MEIKIN: variants seen among roughly 807,000 people sequenced by gnomAD.
The protein encoded by MEIKIN is meiotic kinetochore factor.
intron 8 of MEIKIN, among the ~76,000 whole-genome samples, chr5:131,900,191 G>A (rs1239863842): frequency 6.6e-6 from 1 of 152,208 alleles, no homozygotes. Context: ...GAAGAGGGAG[G>A]TAAGTTGGCT....
At chr5:131,943,473 G>A (rs930493222) in intron 3 of MEIKIN, among the ~76,000 whole-genome samples, 3 of 152,034 alleles carry the variant, frequency 2.0e-5, no homozygotes, top group African/African-American at 7.2e-5. Flanking sequence ...GCAAAACCTT[G>A]GAAACAATCT....
At chr5:131,873,207 T>C (rs1021619909) in intron 9 of MEIKIN, among the ~76,000 whole-genome samples, 5 of 152,116 alleles carry the variant, frequency 3.3e-5, no homozygotes, top group African/African-American at 9.7e-5. Context: ...GACTGACAAA[T>C]TGGATAACGA....
chr5:131,941,270 T>C (rs1394333312), intron 4 of MEIKIN, among the ~76,000 whole-genome samples: 3 of 148,784 alleles, frequency 2.0e-5, no homozygotes, highest in Admixed American at 1.3e-4. Flanking sequence ...GCGATTCTCT[T>C]GTCTCAGCCT....
At chr5:131,843,834 T>C (rs183923205) in intron 11 of MEIKIN, among the ~76,000 whole-genome samples, 247 of 152,348 alleles carry the variant, frequency 1.6e-3, no homozygotes, top group Middle Eastern at 3.4e-3. Flanking sequence ...CCAAAGCTGC[T>C]ATCATATTTT....
chr5:131,887,525 C>A (rs1750821373), intron 8 of MEIKIN, among the ~76,000 whole-genome samples: 1 of 152,076 alleles, frequency 6.6e-6, no homozygotes. Flanking sequence ...TCATGATCAC[C>A]ATTCTAACTG....
chr5:131,859,534 C>T (rs892945076), intron 9 of MEIKIN, among the ~76,000 whole-genome samples: 3 of 152,148 alleles, frequency 2.0e-5, no homozygotes, highest in African/African-American at 7.2e-5. Context: ...CTCTTTTGTT[C>T]CTGCTTTTGC....
At chr5:131,880,318 G>T (rs1176850576) in intron 8 of MEIKIN, among the ~76,000 whole-genome samples, 1 of 150,382 alleles carries the variant, frequency 6.6e-6, no homozygotes, top group African/African-American at 2.4e-5. Flanking sequence ...GGCCAGGCTG[G>T]TCTCAAACTC....
intron 8 of MEIKIN, among the ~76,000 whole-genome samples, chr5:131,887,707 T>A (rs1750826254): frequency 6.6e-6 from 1 of 152,026 alleles, no homozygotes; most frequent in African/African-American, 2.4e-5. Flanking sequence ...TTGTTTTTTT[T>A]TTATTTTATT....
In MEIKIN at chr5:131,945,247, A is replaced by C; in HGVS notation, c.109T>G (p.Ser37Ala). The C allele has an allele frequency of 2.5e-6, 1 of 399,150 alleles. No individual in the cohort carries two copies. The highest frequency in any genetic ancestry group is 4.4e-6 in the Non-Finnish European group (1 of 226,116). 24.7% of individuals were successfully genotyped at this position (399,150 alleles called of 1,614,324 possible). Residue 37 changes from serine (S) to alanine (A), a missense_variant and splice_region_variant, in exon 2 of 13, where the codon TCG (serine) becomes GCG (alanine). Coordinates refer to ENST00000442687, the MANE Select transcript of MEIKIN (RefSeq NM_001303622.2). The stretch of plus-strand genomic sequence containing the variant: ...CCGTGCACTTTGCCTTTTCTCTTCG[A>C]ACCTGAGAGAGGGCGGCACGTTTCA... ...SPAKAEAPPG[S>A]KRKGKVHGLS...
At chr5:131,930,404 T>C (rs1381066342) in intron 5 of MEIKIN, among the ~76,000 whole-genome samples, 3 of 152,248 alleles carry the variant, frequency 2.0e-5, no homozygotes, top group Non-Finnish European at 2.9e-5. Context: ...GTTGGATGCA[T>C]AGTTTGCAAA....
At chr5:131,874,969 A>C (rs1750584951) in intron 9 of MEIKIN, among the ~76,000 whole-genome samples, 1 of 152,226 alleles carries the variant, frequency 6.6e-6, no homozygotes, top group Admixed American at 6.5e-5. Context: ...ACTCTCAATA[A>C]ATTAGGTATT....
intron 8 of MEIKIN, 92 bp downstream of exon 8, chr5:131,911,723 C>T: frequency 2.6e-6 from 1 of 388,730 alleles, no homozygotes; most frequent in Non-Finnish European, 4.6e-6. Flanking sequence ...TTTGTTAATG[C>T]ATGTTGCAGG....
chr5:131,945,167 A>ATACCGTTACTG lies in MEIKIN; in HGVS notation c.188_189insCAGTAACGGTA (p.Gly64SerfsTer11), dbSNP rs1426647584. 1 of 399,104 alleles carries ATACCGTTACTG rather than the reference A, an allele frequency of 2.5e-6. No individual in the cohort carries two copies. Among genetic ancestry groups the ATACCGTTACTG allele is most frequent in the African/African-American group, 2.1e-5 (1 of 48,644 alleles). 24.7% of individuals were successfully genotyped at this position (399,104 alleles called of 1,614,324 possible). On this transcript the variant is annotated frameshift_variant, in exon 2 of 13. Coordinates refer to ENST00000442687, the MANE Select transcript of MEIKIN (RefSeq NM_001303622.2). LOFTEE classifies it high-confidence loss of function. ...TGGAGGCTACATACCTGAACGGCCC[A>ATACCGTTACTG]GAGCCGCTACCTCCCTGCCTGCTCC... is the stretch of plus-strand genomic sequence containing the variant.
At chr5:131,865,942 C>T (rs1283415080) in intron 9 of MEIKIN, among the ~76,000 whole-genome samples, 1 of 152,208 alleles carries the variant, frequency 6.6e-6, no homozygotes, top group African/African-American at 2.4e-5. Context: ...TTAAGCATGC[C>T]TGTCCTTGGT....
chr5:131,871,154 C>T (rs1037677173), intron 9 of MEIKIN, among the ~76,000 whole-genome samples: 10 of 152,212 alleles, frequency 6.6e-5, no homozygotes, highest in African/African-American at 1.4e-4. Context: ...TAGTGGGTGC[C>T]GGACAGTGGG....
chr5:131,922,377 C>T (rs2149648032), intron 5 of MEIKIN, among the ~76,000 whole-genome samples: 1 of 152,042 alleles, frequency 6.6e-6, no homozygotes, highest in East Asian at 1.9e-4. Context: ...ACATATACAG[C>T]CTTTTTTTTT....
At chr5:131,827,062 G>A (rs532847416) in intron 11 of MEIKIN, among the ~76,000 whole-genome samples, 59 of 152,166 alleles carry the variant, frequency 3.9e-4, no homozygotes, top group Admixed American at 8.5e-4. Flanking sequence ...ATGGCTTACT[G>A]CAGCCTCAAA....
At chr5:131,937,713 G>A (rs980606638) in intron 4 of MEIKIN, among the ~76,000 whole-genome samples, 9 of 152,060 alleles carry the variant, frequency 5.9e-5, no homozygotes, top group African/African-American at 2.2e-4. Context: ...TCTCCACCAT[G>A]TTCTACCTTC....
chr5:131,839,495 T>C (rs1045042636), intron 11 of MEIKIN, among the ~76,000 whole-genome samples: 3 of 152,216 alleles, frequency 2.0e-5, no homozygotes, highest in African/African-American at 4.8e-5. Flanking sequence ...CTAATTCTCT[T>C]TGAAGGTCTC....
Sources: gnomAD v4.1 joint callset for allele counts (sites outside exome capture counted in the v4.1 genomes callset) on GRCh38, gnomAD v4.1.1 for gene constraint, MANE v1.5 for transcripts, NCBI Gene and HGNC (gene_info 2026-07-23, HGNC 2026-07-21) for gene names.